Variants in POLE2 observed in about 807,000 individuals in gnomAD.
POLE2 encodes DNA polymerase epsilon subunit 2.
POLE2 carries 56 observed loss-of-function variants against 79.4 expected under a neutral mutation model. The ratio of observed to expected loss-of-function variants is 0.71; its 90% confidence interval spans 0.57 to 0.88. The LOEUF is 0.88. Ranked by LOEUF, POLE2 falls within the 40% of genes least tolerant of loss-of-function variation. POLE2 has a pLI of 0.00. For synonymous variants in POLE2, 212 were observed against 214.0 expected (o/e 0.99, Z 0.08); for missense variants, 598 against 638.9 (o/e 0.94, Z 0.69).
At chr14:49,657,260 T>C (rs1237762917) in intron 10 of POLE2, among the ~76,000 whole-genome samples, 3 of 152,066 alleles carry the variant, frequency 2.0e-5, no homozygotes, top group South Asian at 2.1e-4. Context: ...TTCACAGTAA[T>C]AGAAAATGTT....
intron 10 of POLE2, among the ~76,000 whole-genome samples, chr14:49,662,857 G>A (rs1247324078): frequency 6.6e-6 from 1 of 152,184 alleles, no homozygotes; most frequent in Non-Finnish European, 1.5e-5. Context: ...AAGTGACAGG[G>A]AGCTCAGCTC....
intron 6 of POLE2, among the ~76,000 whole-genome samples, chr14:49,668,460 A>G (rs1885646679): frequency 6.6e-6 from 1 of 151,864 alleles, no homozygotes; most frequent in African/African-American, 2.4e-5. Context: ...ATCAAAAGAA[A>G]AAAAAAAAAA....
At chr14:49,667,281 C>G (rs2139655260) in intron 6 of POLE2, among the ~76,000 whole-genome samples, 1 of 152,022 alleles carries the variant, frequency 6.6e-6, no homozygotes, top group East Asian at 1.9e-4. Flanking sequence ...TAACACACAC[C>G]TATACAGTTT....
chr14:49,658,054 G>C (rs996743943), intron 10 of POLE2, among the ~76,000 whole-genome samples: 1 of 151,322 alleles, frequency 6.6e-6, no homozygotes, highest in Non-Finnish European at 1.5e-5. Flanking sequence ...ACTGCTCCCT[G>C]CAGTCTCTGT....
intron 2 of POLE2, chr14:49,681,914 C>T (rs1456757620): frequency 6.5e-6 from 1 of 153,262 alleles, no homozygotes; most frequent in Non-Finnish European, 1.5e-5. Flanking sequence ...CTCTACCTTC[C>T]TGGGTCACCT....
intron 3 of POLE2, among the ~76,000 whole-genome samples, 164 bp from the exon 4 acceptor site, chr14:49,674,591 A>G (rs1886126628): frequency 6.6e-6 from 1 of 152,122 alleles, no homozygotes; most frequent in Non-Finnish European, 1.5e-5. Context: ...TTTAAGACAG[A>G]GTTTCGCTAT....
chr14:49,649,398 G>C (rs913321875), intron 17 of POLE2, among the ~76,000 whole-genome samples: 2 of 150,646 alleles, frequency 1.3e-5, no homozygotes, highest in African/African-American at 4.9e-5. Flanking sequence ...TGCCCGCCTT[G>C]GCCTCCCAAA....
At chr14:49,669,725 G>A in intron 5 of POLE2, 127 bp from the exon 6 acceptor site, 2 of 578,414 alleles carry the variant, frequency 3.5e-6, no homozygotes, top group South Asian at 2.3e-5. Context: ...CCACAAATTT[G>A]AAAACCCACA....
At chr14:49,669,993 G>A (rs956338205) in intron 5 of POLE2, among the ~76,000 whole-genome samples, 5 of 151,982 alleles carry the variant, frequency 3.3e-5, no homozygotes, top group African/African-American at 1.2e-4. Flanking sequence ...ATAAGATTTG[G>A]GTAGTAAGAA....
rs190862437 is a variant in POLE2 at position 49,687,572 on chromosome 14, G to C, written c.68+564C>G. ...ACAATGTTGATAACCGGCTGCCATAGATAGGTTGCAGCTTCTCGGGCTCAG... is the reference window on the plus strand; with the variant it reads ...ACAATGTTGATAACCGGCTGCCATACATAGGTTGCAGCTTCTCGGGCTCAG... On this transcript the variant is annotated intron_variant, in intron 1 of 18. Transcript: ENST00000216367. Among the ~76,000 whole-genome samples the C allele has an allele frequency of 1.0e-3, 153 of 152,240 alleles. 1 individual carries two copies. The highest frequency in any genetic ancestry group is 1.6e-3 in the Admixed American group (25 of 15,292).
intron 6 of POLE2, among the ~76,000 whole-genome samples, chr14:49,667,203 A>T (rs1885551344): frequency 1.3e-5 from 2 of 151,012 alleles, no homozygotes; most frequent in South Asian, 4.2e-4. Context: ...AACAAAAAAA[A>T]CAAAAAACTT....
In POLE2 at chr14:49,661,802, T is replaced by C. The variant is rs993231707; in HGVS notation, c.755+1513A>G. On this transcript the variant is annotated intron_variant, in intron 10 of 18. Transcript: ENST00000216367. The stretch of plus-strand genomic sequence containing the variant: ...AATCCTAACAAGAATAAAATGATCA[T>C]TTTATTTTAATGTACTTTATTACAC... Among the ~76,000 whole-genome samples the C allele has an allele frequency of 8.5e-5, 13 of 152,228 alleles. No individual in the cohort carries two copies. The South Asian group carries it at 2.7e-3, about 31-fold the overall frequency.
intron 18 of POLE2, among the ~76,000 whole-genome samples, chr14:49,646,301 G>GTTTTTTTTTTTTTT (rs1566522550): frequency 7.7e-5 from 7 of 90,772 alleles, no homozygotes; most frequent in African/African-American, 3.3e-4. Context: ...TTTTTTTGTT[G>GTTTTTTTTTTTTTT]GTTTTTTTTT....
chr14:49,664,895 T>C (rs1885367309), intron 8 of POLE2, among the ~76,000 whole-genome samples: 1 of 152,214 alleles, frequency 6.6e-6, no homozygotes, highest in African/African-American at 2.4e-5. Context: ...TACCATGATA[T>C]AAATTTCGTC....
intron 8 of POLE2, 72 bp from the exon 9 acceptor site, chr14:49,664,746 C>A: frequency 3.3e-6 from 3 of 913,518 alleles, no homozygotes; most frequent in Non-Finnish European, 5.4e-6. Flanking sequence ...TTGAGTCCAA[C>A]AAGGCTTCTA....
At position 49,651,359 on chromosome 14, in the gene POLE2, C is replaced by T. The variant is rs1204001462; in HGVS notation, c.1230G>A (p.Gln410=). 6.5e-7 allele frequency: 1 copy of T among 1,538,394 alleles called. No individual in the cohort carries two copies. Among genetic ancestry groups the T allele is most frequent in the Admixed American group, 1.7e-5 (1 of 59,228 alleles). The change falls in exon 16 of 19, where the codon CAG becomes CAA. Residue 410 remains glutamine (Q), a synonymous_variant. Coordinates refer to ENST00000216367, the MANE Select transcript of POLE2 (RefSeq NM_002692.4). Reference sequence around the variant, plus strand: ...AGTCTTCACGGAAGACAGTAATTTCCTGTGTACAGTACTGAATTCTGAAAT... The same window carrying T: ...AGTCTTCACGGAAGACAGTAATTTCTTGTGTACAGTACTGAATTCTGAAAT... The part of the protein sequence containing the change: ...TNPCRIQYCT[Q]EITVFREDLV...
chr14:49,677,590 C>T (rs1178312848), intron 3 of POLE2: 1 of 518,566 alleles, frequency 1.9e-6, no homozygotes. Context: ...AGAGCTCTTC[C>T]CTGAGCAGTC....
chr14:49,659,625 G>A (rs1884958525), intron 10 of POLE2, among the ~76,000 whole-genome samples: 1 of 151,998 alleles, frequency 6.6e-6, no homozygotes, highest in Non-Finnish European at 1.5e-5. Flanking sequence ...TTGTCACTCT[G>A]GCTGAAGTAT....
At position 49,677,923 on chromosome 14, in the gene POLE2, C is replaced by T. The variant is rs1248335553; in HGVS notation, c.245+1802G>A. On this transcript the variant is annotated intron_variant, in intron 3 of 18. Coordinates refer to ENST00000216367, the MANE Select transcript of POLE2 (RefSeq NM_002692.4). Reference sequence around the variant, plus strand: ...AGCAGTGGCCATATTGAGAAGGTGGCGCCTTGTGCCTTGGAAAGAGGCTCC... The same window carrying T: ...AGCAGTGGCCATATTGAGAAGGTGGTGCCTTGTGCCTTGGAAAGAGGCTCC... 6 of 313,144 alleles carry T rather than the reference C, an allele frequency of 1.9e-5. No individual in the cohort carries two copies. The East Asian group carries it at 2.2e-4, about 11-fold the overall frequency. 19.4% of individuals were successfully genotyped at this position (313,144 alleles called of 1,614,324 possible). A position where few individuals can be genotyped will look rare whatever the true frequency, so the allele number is the denominator to read the frequency against.
Sources: allele counts gnomAD v4.1 joint callset (sites outside exome capture counted in the v4.1 genomes callset), GRCh38; gene constraint gnomAD v4.1.1; transcripts MANE v1.5; gene names NCBI Gene and HGNC (gene_info 2026-07-23, HGNC 2026-07-21).